OR51B5: variants seen among roughly 807,000 people sequenced by gnomAD.
OR51B5 encodes the protein olfactory receptor 51B5.
For synonymous variants in OR51B5, 186 were observed against 144.8 expected, an observed-to-expected ratio of 1.28 and a Z score of -2.04; for missense variants, 456 against 374.6, an observed-to-expected ratio of 1.22 and a Z score of -1.79.
intron 1 of OR51B5, chr11:5,454,038 A>G (rs1017115081): frequency 1.2e-6 from 2 of 1,614,020 alleles, no homozygotes; most frequent in African/African-American, 1.3e-5. Context: ...GCACCCAGAC[A>G]TGATGAGGCT....
intron 1 of OR51B5, among the ~76,000 whole-genome samples, chr11:5,399,529 G>C (rs1272247739): frequency 6.6e-6 from 1 of 152,136 alleles, no homozygotes; most frequent in Non-Finnish European, 1.5e-5. Context: ...CTCCAATTCT[G>C]TCCAGCTCCA....
At chr11:5,461,604 C>T (rs2736571) in intron 1 of OR51B5, among the ~76,000 whole-genome samples, 150,851 of 152,290 alleles carry the variant, frequency 0.99, 74,730 homozygotes, top group East Asian at 1. Flanking sequence ...CCATACTCCA[C>T]TGCAGCCTTT....
chr11:5,444,860 T>C (rs1429672810), intron 1 of OR51B5, among the ~76,000 whole-genome samples: 2 of 152,164 alleles, frequency 1.3e-5, no homozygotes, highest in East Asian at 1.9e-4. Context: ...GATGTAATCA[T>C]CCATATCTAT....
At chr11:5,342,608 G>A (rs776701459) in exon 1 of OR51B5, 5 of 1,595,724 alleles carry the variant, frequency 3.1e-6, no homozygotes, top group Non-Finnish European at 4.3e-6. Context: ...TCTATGGGTA[G>A]TAAAAAGGTG....
intron 1 of OR51B5, chr11:5,454,177 C>T (rs1244327018): frequency 1.2e-6 from 2 of 1,612,248 alleles, no homozygotes; most frequent in Admixed American, 1.7e-5. Context: ...GCCACTGCTT[C>T]CCGTGAGGAA....
Position 5,436,305 on chromosome 11 carries a change from A to G in OR51B5, n.84+69264T>C, listed in dbSNP as rs555829945. ...TTTTCTAAAATCACAATGAAATAAT[A>G]AGCTTCTGGGCAGTGAAGGTGTTCA... is the stretch of plus-strand genomic sequence containing the variant. On this transcript the variant is annotated intron_variant and non_coding_transcript_variant, in intron 1 of 4. Transcript: ENST00000415970. 3.3e-5 allele frequency among the ~76,000 whole-genome samples: 5 copies of G among 152,296 alleles called. No homozygotes were observed. In the East Asian group the frequency reaches 7.7e-4, roughly 24 times the overall value.
In OR51B5 at chr11:5,375,146, T is replaced by C. The variant is rs929813398; in HGVS notation, n.85-28236A>G. Among the ~76,000 whole-genome samples the C allele has an allele frequency of 2.0e-5, 3 of 147,288 alleles. No homozygotes were observed. In the East Asian group the frequency reaches 5.9e-4, roughly 29 times the overall value. On this transcript the variant is annotated intron_variant and non_coding_transcript_variant, in intron 1 of 4. Coordinates refer to the OR51B5 transcript ENST00000415970. ...TAACAGCAGCTCTCTTGGCAGAAAC[T>C]CTACAAGCCAGAAGAGAGTGGGGGC...
chr11:5,423,931 A>G (rs1850400642), intron 1 of OR51B5, among the ~76,000 whole-genome samples: 1 of 152,020 alleles, frequency 6.6e-6, no homozygotes, highest in African/African-American at 2.4e-5. Flanking sequence ...CTTTTTTCAT[A>G]CTTTTATGTT....
Position 5,418,738 on chromosome 11 carries a change from G to C in OR51B5, n.85-71828C>G, listed in dbSNP as rs551891047. ...CACCCGAGCCTATCGGGGGATGGGG[G>C]GTTAGGGGAGGGATAGCATTAGGAG... On this transcript the variant is annotated intron_variant and non_coding_transcript_variant, in intron 1 of 4. Coordinates refer to the OR51B5 transcript ENST00000415970. Among the ~76,000 whole-genome samples the C allele has an allele frequency of 5.9e-5, 9 of 151,964 alleles. No homozygotes were observed. In the South Asian group the frequency reaches 1.9e-3, roughly 32 times the overall value.
At chr11:5,385,264 G>C (rs147772113) in intron 1 of OR51B5, 12 of 152,126 alleles carry the variant, frequency 7.9e-5, no homozygotes, top group Admixed American at 2.0e-4. Context: ...TATCTCTCTT[G>C]CTAGGAGAAA....
chr11:5,366,205 C>T (rs1311247190), intron 1 of OR51B5, among the ~76,000 whole-genome samples: 2 of 151,930 alleles, frequency 1.3e-5, no homozygotes, highest in African/African-American at 4.8e-5. Flanking sequence ...ATGAGGGAAA[C>T]AGGAAGGAAA....
exon 1 of OR51B5, chr11:5,505,650 G>C (rs1265094272): frequency 1.9e-5 from 7 of 378,236 alleles, no homozygotes; most frequent in Non-Finnish European, 3.2e-5. Flanking sequence ...CAGGCAAAAA[G>C]AGAGCTTGTG....
chr11:5,423,111 G>C (rs764277738), intron 1 of OR51B5: 32 of 1,606,408 alleles, frequency 2.0e-5, no homozygotes, highest in Non-Finnish European at 2.2e-5. Flanking sequence ...ATCCAATGGG[G>C]AATGTTAAAT....
intron 1 of OR51B5, among the ~76,000 whole-genome samples, chr11:5,393,497 T>G (rs1396712033): frequency 1.3e-5 from 2 of 152,150 alleles, no homozygotes; most frequent in Non-Finnish European, 2.9e-5. Flanking sequence ...GATTTCTCTA[T>G]CTTTGCCGTA....
At position 5,440,947 on chromosome 11, in the gene OR51B5, C is replaced by T. The variant is rs767788565; in HGVS notation, n.84+64622G>A. 3.2e-5 allele frequency: 52 copies of T among 1,613,930 alleles called. 1 individual carries two copies. The highest frequency in any genetic ancestry group is 5.0e-5 in the Admixed American group (3 of 59,924). On this transcript the variant is annotated intron_variant and non_coding_transcript_variant, in intron 1 of 4. Coordinates refer to the OR51B5 transcript ENST00000415970. ...TTGTTAACATGGATGTCTCCACATG[C>T]TACTTTCATGAGATCTGGATGGAGA... is the stretch of plus-strand genomic sequence containing the variant.
At chr11:5,485,555 T>G (rs2133811219) in intron 1 of OR51B5, among the ~76,000 whole-genome samples, 1 of 152,176 alleles carries the variant, frequency 6.6e-6, no homozygotes, top group East Asian at 1.9e-4. Context: ...AAAGTCAAAG[T>G]CCCTTCTGTG....
intron 1 of OR51B5, among the ~76,000 whole-genome samples, chr11:5,364,191 T>C (rs974227540): frequency 6.6e-5 from 10 of 152,234 alleles, no homozygotes; most frequent in African/African-American, 2.4e-4. Context: ...AATATTTTCC[T>C]AAATTTTGAC....
intron 1 of OR51B5, among the ~76,000 whole-genome samples, chr11:5,416,197 G>T (rs1283183761): frequency 2.1e-5 from 3 of 145,666 alleles, no homozygotes; most frequent in African/African-American, 7.5e-5. Flanking sequence ...CTCAATAGAT[G>T]CAGAAAAGGC....
chr11:5,379,273 G>C (rs1476956008), intron 1 of OR51B5, among the ~76,000 whole-genome samples: 1 of 151,916 alleles, frequency 6.6e-6, no homozygotes, highest in Non-Finnish European at 1.5e-5. Flanking sequence ...AGAACACATG[G>C]ACACAGGAAG....
Sources: gnomAD v4.1 joint callset for allele counts (sites outside exome capture counted in the v4.1 genomes callset) on GRCh38, gnomAD v4.1.1 for gene constraint, MANE v1.5 for transcripts, NCBI Gene and HGNC (gene_info 2026-07-23, HGNC 2026-07-21) for gene names.